The following AAR2 variants were observed in gnomAD, a reference collection of about 807,000 sequenced individuals.
AAR2 encodes AAR2 splicing factor.
A neutral mutation model predicts 26.9 loss-of-function variants in AAR2; 31 were observed. The ratio of observed to expected loss-of-function variants is 1.15; its 90% confidence interval spans 0.86 to 1.55. The LOEUF is 1.55. AAR2 is among the 40% of genes most tolerant of loss of function. The pLI is 0.00. For missense variants in AAR2, 430 were observed against 491.3 expected (o/e 0.88, Z 1.18); for synonymous variants, 188 against 196.1 (o/e 0.96, Z 0.34).
At chr20:36,254,203 A>G (rs975737590) in intron 3 of AAR2, among the ~76,000 whole-genome samples, 2 of 152,258 alleles carry the variant, frequency 1.3e-5, no homozygotes, top group African/African-American at 2.4e-5. Flanking sequence ...ATAGGCATTG[A>G]CAGATGACTA....
At position 36,255,941 on chromosome 20, in the gene AAR2, C is replaced by A; in HGVS notation, c.*196C>A. ...AAAGAGGCTGTACCCATCCTGAAGG[C>A]ACATTTGTGGGTTCCCCATCAGCCA... On this transcript the variant is annotated 3_prime_UTR_variant, in exon 4 of 4. Transcript: ENST00000320849. 1.3e-6 allele frequency: 1 copy of A among 756,058 alleles called. No homozygotes were observed. The allele number at this position is 756,058 out of a possible 1,614,324, so 46.8% of individuals were successfully genotyped here. A position where few individuals can be genotyped will look rare whatever the true frequency, so the allele number is the denominator to read the frequency against.
chr20:36,252,000 C>A (rs889431044), intron 3 of AAR2, among the ~76,000 whole-genome samples: 2 of 152,196 alleles, frequency 1.3e-5, no homozygotes, highest in Non-Finnish European at 2.9e-5. Context: ...TGCTTTGTGG[C>A]ACACATTGAT....
rs908634208 is a variant in AAR2 at position 36,242,540 on chromosome 20, G to A, written c.757+1915G>A. On this transcript the variant is annotated intron_variant, in intron 2 of 3. Coordinates refer to ENST00000320849, the MANE Select transcript of AAR2 (RefSeq NM_001271874.2). ...TGAGTAGCTGGGACTACAGGCGCCC[G>A]CCACCACGCCCGGCTAATTTTGTTT... Among the ~76,000 whole-genome samples the A allele has an allele frequency of 4.0e-5, 6 of 151,852 alleles. No individual in the cohort carries two copies. In the Middle Eastern group the frequency reaches 0.014, roughly 344 times the overall value.
At chr20:36,245,344 G>A (rs2064724227) in intron 3 of AAR2, among the ~76,000 whole-genome samples, 4 of 152,168 alleles carry the variant, frequency 2.6e-5, no homozygotes, top group African/African-American at 9.7e-5. Flanking sequence ...TTGATTTCCT[G>A]TTCAAACAAA....
chr20:36,242,118 A>G (rs1278857735), intron 2 of AAR2, among the ~76,000 whole-genome samples: 1 of 149,412 alleles, frequency 6.7e-6, no homozygotes, highest in African/African-American at 2.5e-5. Context: ...TTGGAAGTTC[A>G]GTGAGAAATT....
At chr20:36,254,970 TGAAA>T in intron 3 of AAR2, among the ~76,000 whole-genome samples, 1 of 152,200 alleles carries the variant, frequency 6.6e-6, no homozygotes, top group East Asian at 1.9e-4. Flanking sequence ...AATACTGTAC[TGAAA>T]GAAACAATTC....
At chr20:36,244,030 T>C (rs372774214) in intron 2 of AAR2, among the ~76,000 whole-genome samples, 168 of 152,380 alleles carry the variant, frequency 1.1e-3, no homozygotes, top group African/African-American at 3.9e-3. Context: ...GTTCCAGAAC[T>C]GTTCCCACCC....
chr20:36,252,477 T>G (rs968898514), intron 3 of AAR2, among the ~76,000 whole-genome samples: 3 of 152,110 alleles, frequency 2.0e-5, no homozygotes, highest in Admixed American at 1.3e-4. Flanking sequence ...GCCCTGGGGC[T>G]GAGGGAACGC....
intron 3 of AAR2, among the ~76,000 whole-genome samples, chr20:36,255,130 T>G (rs2147301352): frequency 6.6e-6 from 1 of 152,328 alleles, no homozygotes; most frequent in East Asian, 1.9e-4. Flanking sequence ...GATAGAAGCC[T>G]CAAACTGGCA....
rs2064737782 is a variant in AAR2 at position 36,246,716 on chromosome 20, T to C, written c.987+1790T>C. 2.0e-5 allele frequency among the ~76,000 whole-genome samples: 3 copies of C among 152,296 alleles called. No homozygotes were observed. In the South Asian group the frequency reaches 6.2e-4, roughly 32 times the overall value. On this transcript the variant is annotated intron_variant, in intron 3 of 3. Transcript: ENST00000320849. ...AATTGCCAGGCTTTGTTGCCAGCAA[T>C]GATTTACAAAGCAGAAAGTGCCCAG...
chr20:36,243,269 T>G (rs1431238172), intron 2 of AAR2, among the ~76,000 whole-genome samples: 2 of 152,248 alleles, frequency 1.3e-5, no homozygotes, highest in Admixed American at 6.5e-5. Flanking sequence ...ATATTTAGTT[T>G]CACAAACCAA....
rs1045295016 is a variant in AAR2, at chr20:36,256,827, G to A, written c.*1082G>A. The A allele has an allele frequency of 6.6e-6, 1 of 152,664 alleles. No individual in the cohort carries two copies. Among genetic ancestry groups the A allele is most frequent in the Non-Finnish European group, 1.5e-5 (1 of 68,048 alleles). The allele number at this position is 152,664 out of a possible 1,614,324, so 9.5% of individuals were successfully genotyped here. ...TTTCCAAGACTGGGGCTCACACCATGTTTTTGAATGAGAATCCCTGCTGGT... is the reference window on the plus strand; with the variant it reads ...TTTCCAAGACTGGGGCTCACACCATATTTTTGAATGAGAATCCCTGCTGGT... On this transcript the variant is annotated 3_prime_UTR_variant, in exon 4 of 4. Coordinates refer to ENST00000320849, the MANE Select transcript of AAR2 (RefSeq NM_001271874.2).
At chr20:36,246,283 A>G (rs904362654) in intron 3 of AAR2, among the ~76,000 whole-genome samples, 7 of 152,200 alleles carry the variant, frequency 4.6e-5, no homozygotes, top group African/African-American at 1.7e-4. Context: ...TCAGAGGTAC[A>G]GAACGCTTTT....
intron 3 of AAR2, among the ~76,000 whole-genome samples, chr20:36,250,281 T>C (rs539261089): frequency 3.3e-4 from 50 of 152,362 alleles, no homozygotes; most frequent in Middle Eastern, 3.4e-3. Context: ...GTAGGTGTGC[T>C]TTTTGTTTTA....
rs754171775 is a variant in AAR2 at position 36,256,902 on chromosome 20, T to G, written c.*1157T>G. ...CCTTGGAGATGTTTTTCCAAGAGCA[T>G]AATGTACATTAAAGTCTTCGAGTTG... On this transcript the variant is annotated 3_prime_UTR_variant, in exon 4 of 4. Coordinates refer to ENST00000320849, the MANE Select transcript of AAR2 (RefSeq NM_001271874.2). 2 of 152,678 alleles carry G rather than the reference T, an allele frequency of 1.3e-5. No homozygotes were observed. The highest frequency in any genetic ancestry group is 2.9e-5 in the Non-Finnish European group (2 of 68,034). The allele number at this position is 152,678 out of a possible 1,614,324, so 9.5% of individuals were successfully genotyped here. A position where few individuals can be genotyped will look rare whatever the true frequency, so the allele number is the denominator to read the frequency against.
chr20:36,255,561 T>C lies in AAR2; in HGVS notation c.988-17T>C. ...CCTCCGTCTTCTCAGGAGTGACTTATCCTCTGTTCTCTGTAGGTTTTCTTT... is the reference window on the plus strand; with the variant it reads ...CCTCCGTCTTCTCAGGAGTGACTTACCCTCTGTTCTCTGTAGGTTTTCTTT... On this transcript the variant is annotated splice_polypyrimidine_tract_variant and intron_variant, in intron 3 of 3. Coordinates refer to ENST00000320849, the MANE Select transcript of AAR2 (RefSeq NM_001271874.2). 1 of 1,613,970 alleles carries C rather than the reference T, an allele frequency of 6.2e-7. No homozygotes were observed. The highest frequency in any genetic ancestry group is 8.5e-7 in the Non-Finnish European group (1 of 1,179,964).
At chr20:36,247,945 A>G (rs1445851584) in intron 3 of AAR2, among the ~76,000 whole-genome samples, 1 of 152,194 alleles carries the variant, frequency 6.6e-6, no homozygotes, top group Non-Finnish European at 1.5e-5. Context: ...ACAGATTTTC[A>G]GTGTTCAGTA....
intron 3 of AAR2, among the ~76,000 whole-genome samples, chr20:36,251,755 A>G (rs1178563251): frequency 6.6e-6 from 1 of 152,238 alleles, no homozygotes; most frequent in African/African-American, 2.4e-5. Context: ...AGCACTTTTT[A>G]AATTAGAAAA....
intron 3 of AAR2, among the ~76,000 whole-genome samples, chr20:36,248,946 C>T (rs1210508831): frequency 6.6e-6 from 1 of 151,766 alleles, no homozygotes; most frequent in Non-Finnish European, 1.5e-5. Context: ...TCCAGTTCTC[C>T]ACACAGAGGC....
Sources: allele counts gnomAD v4.1 joint callset (sites outside exome capture counted in the v4.1 genomes callset), GRCh38; gene constraint gnomAD v4.1.1; transcripts MANE v1.5; gene names NCBI Gene and HGNC (gene_info 2026-07-23, HGNC 2026-07-21).